RGS3: variants seen among roughly 807,000 people sequenced by gnomAD.
RGS3 encodes regulator of G protein signaling 3, also known as regulator of G-protein signalling 3.
A neutral mutation model predicts 132.6 loss-of-function variants in RGS3; 80 were observed. The observed-to-expected ratio is 0.60, with a 90% CI of 0.50 to 0.73. The LOEUF is 0.73. Among genes scored for constraint, RGS3 ranks in the 30% least tolerant of loss-of-function variants. RGS3 has a pLI of 0.00. For synonymous variants in RGS3, 598 were observed against 620.6 expected (o/e 0.96, Z 0.54); for missense variants, 1,382 against 1,530.8 (o/e 0.90, Z 1.62).
At chr9:113,509,895 C>G (rs1451965923) in intron 14 of RGS3, among the ~76,000 whole-genome samples, 1 of 152,112 alleles carries the variant, frequency 6.6e-6, no homozygotes, top group Non-Finnish European at 1.5e-5. Context: ...AATCTGTGTT[C>G]CTTCTGGGGA....
chr9:113,584,602 G>A (rs1390194271), intron 20 of RGS3, among the ~76,000 whole-genome samples, 175 bp downstream of exon 18: 1 of 152,218 alleles, frequency 6.6e-6, no homozygotes, highest in Non-Finnish European at 1.5e-5. Flanking sequence ...GACCAAGAAG[G>A]CAGAGCATGG....
intron 19 of RGS3, among the ~76,000 whole-genome samples, chr9:113,580,241 CCTT>C (rs1489779863): frequency 2.0e-5 from 3 of 152,278 alleles, no homozygotes. Context: ...TGTTCCTCCT[CCTT>C]CTACAGCCCT....
intron 19 of RGS3, among the ~76,000 whole-genome samples, chr9:113,539,966 G>A (rs904859710): frequency 2.0e-5 from 3 of 152,144 alleles, no homozygotes; most frequent in Non-Finnish European, 2.9e-5. Context: ...CACTGGGCCC[G>A]TGGCTCTTTC....
At chr9:113,593,596 T>A in intron 21 of RGS3, 1 of 357,164 alleles carries the variant, frequency 2.8e-6, no homozygotes, top group South Asian at 4.3e-5. Context: ...TGTATATTCA[T>A]GACTGGATGT....
chr9:113,541,362 G>A, intron 19 of RGS3: 1 of 1,613,792 alleles, frequency 6.2e-7, no homozygotes, highest in Non-Finnish European at 8.5e-7. Context: ...GATGGGGCCG[G>A]TCAACTCAAC....
rs976749869 is a variant in RGS3, at chr9:113,541,872, C to T, written c.2037+4954C>T. The T allele has an allele frequency of 8.1e-6, 8 of 986,400 alleles. No individual in the cohort carries two copies. The South Asian group carries it at 2.3e-4, about 29-fold the overall frequency. 61.1% of individuals were successfully genotyped at this position (986,400 alleles called of 1,614,324 possible). A position where few individuals can be genotyped will look rare whatever the true frequency, so the allele number is the denominator to read the frequency against. On this transcript the variant is annotated intron_variant, in intron 19 of 24. Coordinates refer to ENST00000350696, the Ensembl canonical transcript of RGS3. ...ACCTGTACACATTGGCTCATTCATTCGATGGATATTTCGGGTGCATCTACT... is the reference window on the plus strand; with the variant it reads ...ACCTGTACACATTGGCTCATTCATTTGATGGATATTTCGGGTGCATCTACT...
chr9:113,563,613 G>A (rs1291675966), intron 19 of RGS3, among the ~76,000 whole-genome samples: 1 of 152,132 alleles, frequency 6.6e-6, no homozygotes, highest in East Asian at 1.9e-4. Context: ...GAGCCAGCAG[G>A]ATGACAGCCT....
intron 3 of RGS3, among the ~76,000 whole-genome samples, chr9:113,475,783 TG>T (rs140448594): frequency 5.3e-4 from 80 of 151,392 alleles, no homozygotes; most frequent in Non-Finnish European, 1.0e-3. Context: ...GGAGGTTGGG[TG>T]GGGGGGGTGT....
At position 113,506,317 on chromosome 9, in the gene RGS3, A is replaced by G. The variant is rs1265563773; in HGVS notation, c.980-71A>G. The G allele has an allele frequency of 1.1e-6, 1 of 939,418 alleles. No homozygotes were observed. Among genetic ancestry groups the G allele is most frequent in the African/African-American group, 1.6e-5 (1 of 60,634 alleles). The allele number at this position is 939,418 out of a possible 1,614,324, so 58.2% of individuals were successfully genotyped here. The stretch of plus-strand genomic sequence containing the variant: ...CTTGTCTGAGGTCACCATGGCAGCA[A>G]AGGACTCCAGATCCTTTGAAGGGGT... On this transcript the variant is annotated intron_variant, in intron 11 of 24. Transcript: ENST00000350696. The surrounding 1 kb of genome is among the most constrained non-coding windows in gnomAD (Gnocchi z 4.7).
chr9:113,525,019 C>T (rs1832139147), intron 17 of RGS3, among the ~76,000 whole-genome samples: 1 of 152,174 alleles, frequency 6.6e-6, no homozygotes, highest in Admixed American at 6.5e-5. Context: ...GTGGCTTCCT[C>T]TCCCTGCAGA....
intron 3 of RGS3, among the ~76,000 whole-genome samples, chr9:113,471,411 A>G (rs1159218221): frequency 6.6e-6 from 1 of 152,142 alleles, no homozygotes; most frequent in African/African-American, 2.4e-5. Flanking sequence ...ACAGTCCTCC[A>G]TTCCCCTAGA....
intron 17 of RGS3, among the ~76,000 whole-genome samples, chr9:113,523,944 C>T (rs1832083370): frequency 6.6e-6 from 1 of 152,222 alleles, no homozygotes; most frequent in South Asian, 2.1e-4. Flanking sequence ...GCCACTCTCA[C>T]TTCCCCACAG....
At chr9:113,542,512 A>G (rs970062717) in intron 19 of RGS3, among the ~76,000 whole-genome samples, 4 of 152,110 alleles carry the variant, frequency 2.6e-5, no homozygotes, top group Admixed American at 6.5e-5. Flanking sequence ...CTTGTCCTGG[A>G]TGGTGGCTGG....
intron 21 of RGS3, chr9:113,592,065 C>G (rs911668054): frequency 6.6e-6 from 1 of 152,552 alleles, no homozygotes; most frequent in East Asian, 1.9e-4. Flanking sequence ...AAGCCCCTCC[C>G]CACCAGGTCC....
chr9:113,546,128 G>A (rs1298915274), intron 19 of RGS3, among the ~76,000 whole-genome samples: 1 of 152,104 alleles, frequency 6.6e-6, no homozygotes, highest in East Asian at 1.9e-4. Context: ...CTCCTGCTTT[G>A]CACCTGGAGC....
intron 20 of RGS3, among the ~76,000 whole-genome samples, chr9:113,586,103 A>G (rs762973226): frequency 9.9e-5 from 15 of 152,232 alleles, no homozygotes; most frequent in Non-Finnish European, 1.9e-4. Context: ...CCGAGGGATC[A>G]TGATCTTGCC....
intron 3 of RGS3, among the ~76,000 whole-genome samples, chr9:113,472,567 G>A (rs1265945408): frequency 3.9e-5 from 6 of 152,174 alleles, no homozygotes; most frequent in Admixed American, 2.6e-4. Flanking sequence ...ATCCAGAATA[G>A]GCAAGTCCTT....
intron 19 of RGS3, among the ~76,000 whole-genome samples, chr9:113,548,626 T>G (rs1196099270): frequency 6.6e-6 from 1 of 152,142 alleles, no homozygotes; most frequent in African/African-American, 2.4e-5. Flanking sequence ...GGAAGTCCCA[T>G]GGAGTCACAT....
exon 2 of RGS3, chr9:113,461,725 A>T (rs1829474086): frequency 6.2e-7 from 1 of 1,613,798 alleles, no homozygotes; most frequent in South Asian, 1.1e-5. Flanking sequence ...CAGACAGCAC[A>T]CCTTTGCCCA....
Sources: allele counts gnomAD v4.1 joint callset (sites outside exome capture counted in the v4.1 genomes callset), GRCh38; gene constraint gnomAD v4.1.1; non-coding constraint Gnocchi (gnomAD v3.1); transcripts MANE v1.5; gene names NCBI Gene and HGNC (gene_info 2026-07-23, HGNC 2026-07-21).